Variants in TDP1 observed in about 807,000 individuals in gnomAD.
The protein encoded by TDP1 is tyr-DNA phosphodiesterase 1.
A neutral mutation model predicts 81.5 loss-of-function variants in TDP1; 64 were observed. The observed-to-expected ratio is 0.79, with a 90% CI of 0.64 to 0.97. The LOEUF is 0.97. Among genes scored for constraint, TDP1 ranks in the 50% least tolerant of loss-of-function variants. The pLI is 0.00. For synonymous variants in TDP1, 256 were observed against 264.3 expected (o/e 0.97, Z 0.30); for missense variants, 723 against 743.8 (o/e 0.97, Z 0.33).
chr14:90,005,400 G>A (rs1308920585), intron 14 of TDP1, among the ~76,000 whole-genome samples: 1 of 151,860 alleles, frequency 6.6e-6, no homozygotes, highest in Non-Finnish European at 1.5e-5. Flanking sequence ...GGGTTCTCGA[G>A]GTTTAAAAAA....
intron 15 of TDP1, chr14:90,032,564 A>C (rs572698354): frequency 3.2e-5 from 6 of 188,342 alleles, no homozygotes; most frequent in African/African-American, 1.4e-4. Context: ...CCTGATTAAG[A>C]TCTAAAATTA....
chr14:89,988,893 A>C lies in TDP1; in HGVS notation c.1132-12A>C, dbSNP rs767635165. 6.2e-6 allele frequency: 10 copies of C among 1,613,976 alleles called. No homozygotes were observed. The East Asian group carries it at 6.7e-5, about 11-fold the overall frequency. ...TTGAGTCACTTTAACATTCACTTTTATTCTTTCCCAGCTTCTGAAAGACCA... is the reference window on the plus strand; with the variant it reads ...TTGAGTCACTTTAACATTCACTTTTCTTCTTTCCCAGCTTCTGAAAGACCA... On this transcript the variant is annotated splice_polypyrimidine_tract_variant and intron_variant, in intron 10 of 16. Coordinates refer to ENST00000335725, the MANE Select transcript of TDP1 (RefSeq NM_018319.4).
chr14:89,989,256 A>G (rs1895922438), intron 11 of TDP1, 166 bp downstream of exon 11: 3 of 963,756 alleles, frequency 3.1e-6, no homozygotes, highest in African/African-American at 1.8e-5. Context: ...TAGCATCGTC[A>G]TTTGTAATCA....
chr14:90,000,643 C>G (rs995083656), intron 14 of TDP1, among the ~76,000 whole-genome samples: 1 of 152,206 alleles, frequency 6.6e-6, no homozygotes, highest in Non-Finnish European at 1.5e-5. Flanking sequence ...CCTCGGCCCC[C>G]CAAAGTGCTG....
intron 6 of TDP1, chr14:89,975,242 A>T (rs993926901): frequency 2.0e-5 from 4 of 199,344 alleles, no homozygotes; most frequent in Non-Finnish European, 3.6e-5. Flanking sequence ...CGCCTGGCAA[A>T]TTTTTTCATA....
At chr14:90,042,887 T>C (rs1038026880) in intron 16 of TDP1, 183 bp from the exon 17 acceptor site, 10 of 985,318 alleles carry the variant, frequency 1.0e-5, no homozygotes, top group African/African-American at 1.7e-5. Flanking sequence ...ACTCACCTAG[T>C]GTCCTAATAG....
At chr14:89,967,225 A>T in intron 4 of TDP1, 142 bp from the exon 5 acceptor site, 1 of 1,378,472 alleles carries the variant, frequency 7.3e-7, no homozygotes, top group Non-Finnish European at 1.0e-6. Flanking sequence ...GTATTGCAGC[A>T]TAACCCTCCA....
At chr14:89,983,000 T>A (rs1023847174) in intron 8 of TDP1, 1 of 406,996 alleles carries the variant, frequency 2.5e-6, no homozygotes, top group Non-Finnish European at 4.8e-6. Context: ...CAGTAAAGAA[T>A]AAAATAAAAT....
Position 89,993,910 on chromosome 14 carries a change from G to A in TDP1, c.1541+427G>A, listed in dbSNP as rs35440444. Among the ~76,000 whole-genome samples the A allele has an allele frequency of 6.2e-3, 946 of 152,066 alleles. 7 individuals are homozygous for A. The highest frequency in any genetic ancestry group is 0.022 in the African/African-American group (904 of 41,440). Reference sequence around the variant, plus strand: ...AAAACATCTTTAAGGTGTAATTCACGTACCATAAAATCTGCCCATTAAGTC... The same window carrying A: ...AAAACATCTTTAAGGTGTAATTCACATACCATAAAATCTGCCCATTAAGTC... On this transcript the variant is annotated intron_variant, in intron 14 of 16. Coordinates refer to ENST00000335725, the MANE Select transcript of TDP1 (RefSeq NM_018319.4).
chr14:90,033,122 A>G lies in TDP1; in HGVS notation c.1661A>G (p.Lys554Arg), dbSNP rs917004698. The G allele has an allele frequency of 3.7e-6, 6 of 1,609,712 alleles. No homozygotes were observed. Among genetic ancestry groups the G allele is most frequent in the Non-Finnish European group, 5.1e-6 (6 of 1,176,160 alleles). The change falls in exon 16 of 17, where the codon AAA (lysine) becomes AGA (arginine). Residue 554 changes from lysine (K) to arginine (R), a missense_variant. Physicochemically the swap from Lys to Arg is conservative, Grantham distance 26. Transcript: ENST00000335725. Reference sequence around the variant, plus strand: ...TGTCTGCAGGGTCTAGACAGTTTCAAAGTGAAACAGAAGTTCTTCGCTGGC... The same window carrying G: ...TGTCTGCAGGGTCTAGACAGTTTCAGAGTGAAACAGAAGTTCTTCGCTGGC... ...LPSAFGLDSF[K>R]VKQKFFAGSQ...
intron 12 of TDP1, among the ~76,000 whole-genome samples, chr14:89,991,036 G>A (rs530139712): frequency 1.8e-4 from 28 of 151,968 alleles, no homozygotes; most frequent in African/African-American, 6.8e-4. Context: ...ATTCTTTTCT[G>A]TTTGTCAGAA....
rs1176167338 is a variant in TDP1, at chr14:89,989,703, C to G, written c.1318-14C>G. ...GGTACATTCCGAGTTTTATTGTTTTCCTCTTATTTTTAGATCTATCCTTCT... is the reference window on the plus strand; with the variant it reads ...GGTACATTCCGAGTTTTATTGTTTTGCTCTTATTTTTAGATCTATCCTTCT... On this transcript the variant is annotated splice_polypyrimidine_tract_variant and intron_variant, in intron 11 of 16. Coordinates refer to ENST00000335725, the MANE Select transcript of TDP1 (RefSeq NM_018319.4). 5 of 1,600,660 alleles carry G rather than the reference C, an allele frequency of 3.1e-6. No individual in the cohort carries two copies. The South Asian group carries it at 4.4e-5, about 14-fold the overall frequency.
chr14:90,014,913 T>TA (rs1285854568), intron 14 of TDP1, among the ~76,000 whole-genome samples: 2 of 152,204 alleles, frequency 1.3e-5, no homozygotes, highest in African/African-American at 2.4e-5. Context: ...CTTCCTTTCT[T>TA]AGGCAGTTGT....
chr14:89,975,044 C>T (rs139741307), intron 6 of TDP1, among the ~76,000 whole-genome samples: 1 of 152,276 alleles, frequency 6.6e-6, no homozygotes, highest in Admixed American at 6.5e-5. Flanking sequence ...AATTTAACAT[C>T]CTAAGTCTTT....
chr14:90,016,036 CT>C (rs949488844), intron 14 of TDP1, among the ~76,000 whole-genome samples: 7 of 148,096 alleles, frequency 4.7e-5, no homozygotes, highest in South Asian at 2.2e-4. Context: ...AGACAGCAGC[CT>C]TTTTTTTTCT....
intron 10 of TDP1, 39 bp downstream of exon 10, chr14:89,985,249 T>A (rs770367543): frequency 1.7e-6 from 2 of 1,149,474 alleles, no homozygotes; most frequent in Admixed American, 1.8e-5. Context: ...TTTAAAAAAT[T>A]TAATGTATAT....
rs1893076513 is a variant in TDP1 at position 89,967,429 on chromosome 14, TC to T, written c.659+9del. ...AGTATCCACCAGAGTTCAGGTGAGT[TC>T]CTCAGGGTGACAGACAACACTATAA... On this transcript the variant is annotated splice_region_variant and intron_variant, in intron 5 of 16. Transcript: ENST00000335725. The T allele has an allele frequency of 1.2e-6, 2 of 1,613,504 alleles. No individual in the cohort carries two copies.
At chr14:90,032,460 G>A (rs190649233) in intron 15 of TDP1, among the ~76,000 whole-genome samples, 1 of 152,020 alleles carries the variant, frequency 6.6e-6, no homozygotes, top group African/African-American at 2.4e-5. Flanking sequence ...GGGGCACATC[G>A]GTCATGTGGT....
chr14:90,010,747 T>G (rs1450354702), intron 14 of TDP1, among the ~76,000 whole-genome samples: 1 of 152,196 alleles, frequency 6.6e-6, no homozygotes, highest in Non-Finnish European at 1.5e-5. Flanking sequence ...AAAACTTTAA[T>G]TTTACTTTAC....
Sources: gnomAD v4.1 joint callset for allele counts (sites outside exome capture counted in the v4.1 genomes callset) on GRCh38, gnomAD v4.1.1 for gene constraint, MANE v1.5 for transcripts, NCBI Gene and HGNC (gene_info 2026-07-23, HGNC 2026-07-21) for gene names.